The following SYNE2 variants were observed in gnomAD, a reference collection of about 807,000 sequenced individuals.
The protein encoded by SYNE2 is spectrin repeat containing nuclear envelope protein 2.
SYNE2 carries 431 observed loss-of-function variants against 856.3 expected under a neutral mutation model. The observed-to-expected ratio is 0.50, with a 90% CI of 0.47 to 0.55. The LOEUF is 0.55. Ranked by LOEUF, SYNE2 falls within the 20% of genes least tolerant of loss-of-function variation. SYNE2 has a pLI of 0.00. For missense variants in SYNE2, 8,129 were observed against 8,023.2 expected (o/e 1.01, Z -0.50); for synonymous variants, 2,923 against 2,872.3 (o/e 1.02, Z -0.56).
At chr14:63,837,797 T>C (rs572710256) in intron 1 of SYNE2, among the ~76,000 whole-genome samples, 6 of 151,616 alleles carry the variant, frequency 4.0e-5, no homozygotes, top group African/African-American at 1.5e-4. Flanking sequence ...CATGGGCCTG[T>C]AGTCCCAGCT....
chr14:63,929,810 C>T (rs562400014), intron 2 of SYNE2, among the ~76,000 whole-genome samples: 5 of 150,828 alleles, frequency 3.3e-5, no homozygotes, highest in Non-Finnish European at 5.9e-5. Context: ...TAGAGATATT[C>T]GACTGAAGGC....
intron 70 of SYNE2, among the ~76,000 whole-genome samples, chr14:64,123,111 A>C (rs1261908575): frequency 1.3e-5 from 2 of 152,102 alleles, no homozygotes; most frequent in Non-Finnish European, 2.9e-5. Context: ...AAAAAAAAAA[A>C]AACACTTTAA....
intron 45 of SYNE2, among the ~76,000 whole-genome samples, chr14:64,045,805 C>T (rs1595110841): frequency 6.6e-6 from 1 of 152,172 alleles, no homozygotes; most frequent in East Asian, 1.9e-4. Context: ...TGGTGAAGCT[C>T]CAGACAGTAT....
At chr14:64,037,235 AGTGAACAAAGGTCTCTG>A (rs1410198272) in intron 45 of SYNE2, among the ~76,000 whole-genome samples, 1 of 151,808 alleles carries the variant, frequency 6.6e-6, no homozygotes, top group African/African-American at 2.4e-5. Flanking sequence ...CAGATAAACA[AGTGAACAAAGGTCTCTG>A]GTTTTCCTAG....
chr14:63,863,772 A>T (rs1894405666), intron 1 of SYNE2, among the ~76,000 whole-genome samples: 1 of 152,214 alleles, frequency 6.6e-6, no homozygotes, highest in African/African-American at 2.4e-5. Context: ...AATTCTGTTT[A>T]TTAGAATTCT....
intron 80 of SYNE2, 55 bp from the exon 81 acceptor site, chr14:64,141,286 T>C: frequency 6.8e-7 from 1 of 1,461,556 alleles, no homozygotes; most frequent in Non-Finnish European, 9.5e-7. Flanking sequence ...ATTCCGACTC[T>C]TACTTTCTGC....
intron 23 of SYNE2, among the ~76,000 whole-genome samples, chr14:63,996,609 C>G (rs1027780452): frequency 6.6e-6 from 1 of 152,132 alleles, no homozygotes; most frequent in African/African-American, 2.4e-5. Context: ...CCTCTCTCCC[C>G]TTTTACTTGG....
intron 1 of SYNE2, among the ~76,000 whole-genome samples, chr14:63,767,089 C>A (rs1036335001): frequency 2.0e-5 from 3 of 151,092 alleles, no homozygotes; most frequent in Non-Finnish European, 2.9e-5. Flanking sequence ...GTTCAGCCTG[C>A]ACAATCTTTT....
At chr14:63,845,433 T>G (rs1595167934) in intron 1 of SYNE2, among the ~76,000 whole-genome samples, 1 of 151,276 alleles carries the variant, frequency 6.6e-6, no homozygotes, top group Non-Finnish European at 1.5e-5. Context: ...AAAAAAAAAG[T>G]CAAATGTATT....
intron 99 of SYNE2, among the ~76,000 whole-genome samples, chr14:64,194,619 T>G (rs989397338): frequency 6.6e-6 from 1 of 152,152 alleles, no homozygotes; most frequent in Non-Finnish European, 1.5e-5. Context: ...GATAACGTCT[T>G]TGAAAAGTGA....
At position 64,074,046 on chromosome 14, in the gene SYNE2, A is replaced by G. The variant is rs373340663; in HGVS notation, c.10776A>G (p.Ile3592Met). 5.8e-5 allele frequency: 94 copies of G among 1,614,052 alleles called. No homozygotes were observed. Among genetic ancestry groups the G allele is most frequent in the Non-Finnish European group, 7.6e-5 (90 of 1,179,978 alleles). ...AAAGACATTCCTTCACAAAAGAGAT[A>G]ATTGCTTTGAAGAATTTCTTTCAAC... ...IQERHSFTKEIIALKNFFQQT... is the reference protein window; with the variant it reads ...IQERHSFTKEMIALKNFFQQT... Residue 3592 changes from isoleucine to methionine, a missense_variant, in exon 53 of 116, where the codon ATA becomes ATG. This residue lies in a region of SYNE2 where 5,410 missense variants were observed against 5,284.8 expected (regional missense o/e 1.02). Transcript: ENST00000555002.
chr14:64,224,181 C>CAAAAAAAAAAA lies in SYNE2; in HGVS notation c.20383-269_20383-259dup, dbSNP rs35804232. Among the ~76,000 whole-genome samples, 280 of 74,710 alleles carry CAAAAAAAAAAA rather than the reference C, an allele frequency of 3.7e-3. 20 individuals carry two copies. The highest frequency in any genetic ancestry group is 0.013 in the African/African-American group (239 of 18,170). 49.0% of individuals were successfully genotyped at this position (74,710 alleles called of 152,430 possible). ...GCAACATGGTGAAATCCCGTCTCTGCAAAAAAAAAAAAAAAAAAAAATACA... is the reference window on the plus strand; with the variant it reads ...GCAACATGGTGAAATCCCGTCTCTGCAAAAAAAAAAAAAAAAAAAAAAAAAAAAAAAATACA... On this transcript the variant is annotated intron_variant, in intron 113 of 115. Coordinates refer to ENST00000555002, the MANE Select transcript of SYNE2 (RefSeq NM_182914.3).
At chr14:63,946,192 C>T (rs1255860) in intron 6 of SYNE2, among the ~76,000 whole-genome samples, 70,806 of 151,840 alleles carry the variant, frequency 0.47, 18,038 homozygotes, top group South Asian at 0.56. Flanking sequence ...TAGGCTGAGG[C>T]AGGAGGATTG....
intron 1 of SYNE2, among the ~76,000 whole-genome samples, chr14:63,775,945 A>G (rs1282735090): frequency 6.6e-6 from 1 of 152,202 alleles, no homozygotes; most frequent in African/African-American, 2.4e-5. Context: ...TACAGAGTGC[A>G]TTTGGTAAAT....
intron 1 of SYNE2, among the ~76,000 whole-genome samples, chr14:63,813,657 C>T (rs1956721728): frequency 6.6e-6 from 1 of 152,042 alleles, no homozygotes; most frequent in Non-Finnish European, 1.5e-5. Context: ...GGTGTGGTGG[C>T]TCATGCCTGT....
chr14:64,002,259 A>G (rs2096761260), intron 29 of SYNE2, among the ~76,000 whole-genome samples, 178 bp downstream of exon 29: 1 of 151,992 alleles, frequency 6.6e-6, no homozygotes, highest in Admixed American at 6.6e-5. Context: ...TTCCTTGCAA[A>G]TTTGGAGGTG....
chr14:63,895,006 C>CTAAT (rs2095221236), intron 1 of SYNE2, among the ~76,000 whole-genome samples: 3 of 152,168 alleles, frequency 2.0e-5, no homozygotes, highest in South Asian at 2.1e-4. Context: ...AGGCCTCTTC[C>CTAAT]TAGAGCTTAC....
At chr14:64,172,928 T>C (rs899441030) in intron 94 of SYNE2, among the ~76,000 whole-genome samples, 3 of 148,766 alleles carry the variant, frequency 2.0e-5, no homozygotes, top group African/African-American at 7.6e-5. Flanking sequence ...GAGCAAGACC[T>C]GTCTGGAAAA....
At chr14:63,783,994 A>C (rs1050299700) in intron 1 of SYNE2, among the ~76,000 whole-genome samples, 4 of 152,226 alleles carry the variant, frequency 2.6e-5, no homozygotes, top group Non-Finnish European at 5.9e-5. Context: ...AGGGGTAAAG[A>C]ACACAGTTGC....
Sources: allele counts gnomAD v4.1 joint callset (sites outside exome capture counted in the v4.1 genomes callset), GRCh38; gene constraint gnomAD v4.1.1; regional missense constraint gnomAD v4.1.1; transcripts MANE v1.5; gene names NCBI Gene and HGNC (gene_info 2026-07-23, HGNC 2026-07-21).